ITGA1: variants seen among roughly 807,000 people sequenced by gnomAD.
The protein encoded by ITGA1 is integrin alpha-1.
Under a neutral mutation model 145.9 loss-of-function variants are expected in ITGA1, and 85 were observed. That is an observed-to-expected ratio of 0.58 (90% CI 0.49 to 0.70). ITGA1 has a LOEUF of 0.70. Ranked by LOEUF, ITGA1 falls within the 30% of genes least tolerant of loss-of-function variation. ITGA1 has a pLI of 0.00. For synonymous variants in ITGA1, 520 were observed against 495.3 expected (o/e 1.05, Z -0.66); for missense variants, 1,351 against 1,418.7 (o/e 0.95, Z 0.77).
At chr5:52,942,532 G>GT (rs34805605) in intron 26 of ITGA1, among the ~76,000 whole-genome samples, 14,774 of 133,332 alleles carry the variant, frequency 0.11, 1,475 homozygotes, top group African/African-American at 0.26. Flanking sequence ...TGTAAATGGA[G>GT]TTTTTTTTTT....
intron 1 of ITGA1, among the ~76,000 whole-genome samples, chr5:52,808,963 G>A (rs969701105): frequency 6.6e-6 from 1 of 151,964 alleles, no homozygotes; most frequent in Non-Finnish European, 1.5e-5. Context: ...GTCATTTGGG[G>A]TAGAGGAACA....
At chr5:52,926,145 T>G (rs1437967035) in intron 19 of ITGA1, among the ~76,000 whole-genome samples, 1 of 152,124 alleles carries the variant, frequency 6.6e-6, no homozygotes, top group Non-Finnish European at 1.5e-5. Flanking sequence ...AGCAATGCAC[T>G]TATTAATATT....
intron 9 of ITGA1, among the ~76,000 whole-genome samples, chr5:52,897,202 A>C (rs1205930838): frequency 2.6e-5 from 4 of 152,104 alleles, no homozygotes; most frequent in African/African-American, 9.7e-5. Flanking sequence ...AGATTTCTCA[A>C]CCCCTCTGGC....
At chr5:52,951,011 A>C (rs1579738295) in intron 28 of ITGA1, among the ~76,000 whole-genome samples, 1 of 152,244 alleles carries the variant, frequency 6.6e-6, no homozygotes, top group Middle Eastern at 3.4e-3. Flanking sequence ...TTTCATGTGT[A>C]TTTGTTCCGT....
chr5:52,893,916 C>T, intron 9 of ITGA1, 76 bp downstream of exon 9: 1 of 1,091,258 alleles, frequency 9.2e-7, no homozygotes, highest in Non-Finnish European at 1.3e-6. Context: ...TGTATTTATT[C>T]CTAATACATC....
At chr5:52,850,279 C>A (rs918859573) in intron 2 of ITGA1, among the ~76,000 whole-genome samples, 1 of 152,072 alleles carries the variant, frequency 6.6e-6, no homozygotes, top group Admixed American at 6.6e-5. Flanking sequence ...GGATTACAGG[C>A]GTGAGCCATA....
intron 2 of ITGA1, among the ~76,000 whole-genome samples, chr5:52,851,280 T>C (rs1279558532): frequency 2.0e-5 from 3 of 152,330 alleles, no homozygotes; most frequent in South Asian, 4.1e-4. Context: ...TCCTTAATTA[T>C]ATGAATGAAC....
At chr5:52,944,678 T>A (rs1450789193) in intron 26 of ITGA1, among the ~76,000 whole-genome samples, 1 of 152,216 alleles carries the variant, frequency 6.6e-6, no homozygotes, top group African/African-American at 2.4e-5. Flanking sequence ...GGTTTGTTTT[T>A]TCTAATGATA....
intron 11 of ITGA1, chr5:52,902,158 A>G (rs1229524930): frequency 6.6e-6 from 1 of 152,228 alleles, no homozygotes; most frequent in Non-Finnish European, 1.5e-5. Flanking sequence ...GCAGAGGCAG[A>G]GGCTCTGTTA....
intron 17 of ITGA1, 102 bp downstream of exon 17, chr5:52,920,570 G>A (rs1435520056): frequency 1.0e-6 from 1 of 971,032 alleles, no homozygotes; most frequent in Non-Finnish European, 1.4e-6. Flanking sequence ...ATTTCAAAAT[G>A]CACTTATGAT....
At chr5:52,930,417 A>G (rs183316003) in intron 21 of ITGA1, among the ~76,000 whole-genome samples, 6 of 152,202 alleles carry the variant, frequency 3.9e-5, no homozygotes, top group Non-Finnish European at 1.5e-5. Context: ...TATGCACAAG[A>G]TATTGAGTTA....
At chr5:52,934,566 A>G (rs1226122168) in intron 23 of ITGA1, among the ~76,000 whole-genome samples, 4 of 151,912 alleles carry the variant, frequency 2.6e-5, no homozygotes, top group Admixed American at 6.6e-5. Context: ...TTTCTATTAC[A>G]TTTATTTTTC....
chr5:52,857,781 A>G (rs1320664079), intron 2 of ITGA1, among the ~76,000 whole-genome samples: 1 of 152,158 alleles, frequency 6.6e-6, no homozygotes, highest in Non-Finnish European at 1.5e-5. Flanking sequence ...AACCATGCTC[A>G]TATCATGCTC....
intron 1 of ITGA1, among the ~76,000 whole-genome samples, chr5:52,817,403 C>T (rs1252008570): frequency 1.3e-5 from 2 of 152,156 alleles, no homozygotes; most frequent in Non-Finnish European, 2.9e-5. Flanking sequence ...AATTGGCACA[C>T]AGAATAGACG....
chr5:52,911,292 C>T (rs1375240369), intron 14 of ITGA1, among the ~76,000 whole-genome samples: 6 of 126,612 alleles, frequency 4.7e-5, no homozygotes, highest in Non-Finnish European at 6.4e-5. Flanking sequence ...ATAGTATATA[C>T]AGTGTATATA....
intron 1 of ITGA1, among the ~76,000 whole-genome samples, chr5:52,812,098 C>G (rs567086696): frequency 1.3e-5 from 2 of 152,300 alleles, no homozygotes; most frequent in South Asian, 2.1e-4. Context: ...CCAATCAGCT[C>G]TCTGGTTAAG....
Position 52,788,327 on chromosome 5 carries a change from C to G in ITGA1, c.-27C>G, listed in dbSNP as rs757655898. ...GGTCCTGCCCTGCGAACCAGCGCGGCCCCCTGGCGCTGAGGCTGCTCCGGC... is the reference window on the plus strand; with the variant it reads ...GGTCCTGCCCTGCGAACCAGCGCGGGCCCCTGGCGCTGAGGCTGCTCCGGC... On this transcript the variant is annotated 5_prime_UTR_variant, in exon 1 of 29. Coordinates refer to ENST00000282588, the MANE Select transcript of ITGA1 (RefSeq NM_181501.2). 6.7e-7 allele frequency: 1 copy of G among 1,486,034 alleles called. No homozygotes were observed. The highest frequency in any genetic ancestry group is 2.2e-5 in the Admixed American group (1 of 45,122). 92.1% of individuals were successfully genotyped at this position (1,486,034 alleles called of 1,614,324 possible).
chr5:52,911,956 A>G (rs564141561), intron 14 of ITGA1, among the ~76,000 whole-genome samples: 220 of 86,642 alleles, frequency 2.5e-3, no homozygotes, highest in African/African-American at 1.0e-2. Context: ...TATATATACT[A>G]TATATAGTGT....
intron 8 of ITGA1, chr5:52,889,966 A>G (rs1750118433): frequency 6.6e-6 from 1 of 151,864 alleles, no homozygotes; most frequent in South Asian, 2.1e-4. Flanking sequence ...CCAGGAGCAT[A>G]GCCTTGAATT....
Sources: gnomAD v4.1 joint callset for allele counts (sites outside exome capture counted in the v4.1 genomes callset) on GRCh38, gnomAD v4.1.1 for gene constraint, MANE v1.5 for transcripts, NCBI Gene and HGNC (gene_info 2026-07-23, HGNC 2026-07-21) for gene names.